Variants in RHOBTB2 observed in about 807,000 individuals in gnomAD.
RHOBTB2 encodes Rho related BTB domain containing 2.
A neutral mutation model predicts 66.5 loss-of-function variants in RHOBTB2; 39 were observed. That is an observed-to-expected ratio of 0.59 (90% CI 0.45 to 0.77). The LOEUF is 0.77. Ranked by LOEUF, RHOBTB2 falls within the 30% of genes least tolerant of loss-of-function variation. RHOBTB2 has a pLI of 0.00. For missense variants in RHOBTB2, 755 were observed against 999.1 expected (o/e 0.76, Z 3.29); for synonymous variants, 390 against 395.0 (o/e 0.99, Z 0.15).
the RHOBTB2 span, among the ~76,000 whole-genome samples, chr8:22,962,008 C>T: frequency 6.6e-6 from 1 of 151,470 alleles, no homozygotes; most frequent in South Asian, 2.1e-4. Context: ...TCCAAATTTA[C>T]GGAAAAGCCA....
At chr8:22,979,175 A>G in the RHOBTB2 span, among the ~76,000 whole-genome samples, 1 of 152,198 alleles carries the variant, frequency 6.6e-6, no homozygotes, top group African/African-American at 2.4e-5. Context: ...GACATTTTAC[A>G]AGGGAAATAA....
chr8:22,982,624 A>G (rs1810230135), upstream of RHOBTB2, among the ~76,000 whole-genome samples: 1 of 152,190 alleles, frequency 6.6e-6, no homozygotes, highest in Admixed American at 6.5e-5. Flanking sequence ...TGAGGCTGCA[A>G]TGAGCTGTGA....
chr8:22,974,864 C>T, the RHOBTB2 span, among the ~76,000 whole-genome samples: 1 of 152,134 alleles, frequency 6.6e-6, no homozygotes, highest in Non-Finnish European at 1.5e-5. Context: ...TCCTGCTACA[C>T]GAACTTTAAA....
At chr8:22,956,295 A>G in the RHOBTB2 span, among the ~76,000 whole-genome samples, 2 of 152,196 alleles carry the variant, frequency 1.3e-5, no homozygotes, top group South Asian at 4.2e-4. Flanking sequence ...TTATGTCCCC[A>G]CCCAAATCTC....
chr8:22,991,656 G>A (rs969382323), intron 1 of RHOBTB2, among the ~76,000 whole-genome samples: 32 of 152,112 alleles, frequency 2.1e-4, no homozygotes, highest in African/African-American at 6.3e-4. Flanking sequence ...TCCACTCCAC[G>A]GCTTTTACAC....
intron 7 of RHOBTB2, among the ~76,000 whole-genome samples, chr8:23,012,565 A>G (rs1260974557): frequency 6.6e-6 from 1 of 152,206 alleles, no homozygotes; most frequent in Non-Finnish European, 1.5e-5. Context: ...TGCTCAGTAG[A>G]ACACAAATAC....
At chr8:23,011,112 T>C (rs1337306456) in intron 7 of RHOBTB2, among the ~76,000 whole-genome samples, 2 of 152,052 alleles carry the variant, frequency 1.3e-5, no homozygotes, top group African/African-American at 4.8e-5. Flanking sequence ...AAATTAGCTG[T>C]GTTTGGTGGC....
upstream of RHOBTB2, among the ~76,000 whole-genome samples, chr8:22,998,574 A>G (rs1177470151): frequency 6.6e-6 from 1 of 152,076 alleles, no homozygotes; most frequent in Admixed American, 6.6e-5. Flanking sequence ...TCTCTACCAA[A>G]AATACATAAA....
the RHOBTB2 span, among the ~76,000 whole-genome samples, chr8:22,964,096 T>C: frequency 6.6e-6 from 1 of 151,972 alleles, no homozygotes; most frequent in Non-Finnish European, 1.5e-5. Context: ...TTTTTTTTGT[T>C]TTTGTTTTTT....
At chr8:23,001,697 G>T (rs185290969) in intron 1 of RHOBTB2, among the ~76,000 whole-genome samples, 1 of 152,276 alleles carries the variant, frequency 6.6e-6, no homozygotes, top group East Asian at 1.9e-4. Context: ...TTTCCCAGAG[G>T]GGGAGACTGA....
rs144019478 is a variant in RHOBTB2, at chr8:23,011,602, G to A, written c.1771+914G>A. Among the ~76,000 whole-genome samples, 143 of 152,244 alleles carry A rather than the reference G, an allele frequency of 9.4e-4. 2 individuals carry two copies. Among genetic ancestry groups the A allele is most frequent in the African/African-American group, 3.1e-3 (129 of 41,524 alleles). Reference sequence around the variant, plus strand: ...AACTGAGTCATGGGGGAGAGCCAGCGGCAGGCAGTCTGGGTCCAAGGGGCC... The same window carrying A: ...AACTGAGTCATGGGGGAGAGCCAGCAGCAGGCAGTCTGGGTCCAAGGGGCC... On this transcript the variant is annotated intron_variant, in intron 7 of 9. Coordinates refer to ENST00000251822, the MANE Select transcript of RHOBTB2 (RefSeq NM_015178.3).
rs150618811 is a variant in RHOBTB2, at chr8:23,007,347, G to A, written c.1102G>A (p.Asp368Asn). ...TGCTGGCCTCCGTGCTTCCACCAGC[G>A]ACGGGATCTTACGGGGCAACGGAAC... ...GPAGLRASTS[D>N]GILRGNGTGY... Residue 368 changes from aspartate to asparagine, a missense_variant, in exon 5 of 10, where the codon GAC becomes AAC. Physicochemically the swap from Asp to Asn is conservative, Grantham distance 23. Transcript: ENST00000251822. 6.4e-4 allele frequency: 1,036 copies of A among 1,613,756 alleles called. 2 individuals carry two copies. Among genetic ancestry groups the A allele is most frequent in the Non-Finnish European group, 8.1e-4 (953 of 1,179,808 alleles).
rs894045615 is a variant in RHOBTB2, at chr8:22,999,698, C to T, written c.-418C>T. 1.7e-6 allele frequency: 2 copies of T among 1,173,610 alleles called. No homozygotes were observed. The highest frequency in any genetic ancestry group is 2.1e-6 in the Non-Finnish European group (2 of 932,994). 72.7% of individuals were successfully genotyped at this position (1,173,610 alleles called of 1,614,324 possible). On this transcript the variant is annotated 5_prime_UTR_variant, in exon 1 of 10. Transcript: ENST00000251822. ...CGGTACCTGGGACTGCAGCGCCAGG[C>T]GTCTTCGCGGCAGCGCCTTCGCCGC...
intron 2 of RHOBTB2, among the ~76,000 whole-genome samples, chr8:22,994,209 G>C (rs1167223734): frequency 6.6e-6 from 1 of 152,230 alleles, no homozygotes. Flanking sequence ...ATATTGTCCA[G>C]TGTCAAGCAG....
chr8:22,992,922 G>T (rs988436166), intron 2 of RHOBTB2, among the ~76,000 whole-genome samples: 3 of 152,226 alleles, frequency 2.0e-5, no homozygotes, highest in African/African-American at 7.2e-5. Context: ...TGCCAGCAGG[G>T]ACTAGGCGTA....
chr8:22,965,238 G>C, the RHOBTB2 span, among the ~76,000 whole-genome samples: 2 of 152,110 alleles, frequency 1.3e-5, no homozygotes, highest in Non-Finnish European at 2.9e-5. Flanking sequence ...CCTCATAGCT[G>C]ACTTTAAAAA....
At position 23,006,073 on chromosome 8, in the gene RHOBTB2, T is replaced by C; in HGVS notation, c.410T>C (p.Leu137Ser). 3 of 1,612,830 alleles carry C rather than the reference T, an allele frequency of 1.9e-6. No homozygotes were observed. The highest frequency in any genetic ancestry group is 2.5e-6 in the Non-Finnish European group (3 of 1,179,564). The change falls in exon 4 of 10, where the codon TTG (leucine) becomes TCG (serine). Residue 137 changes from leucine (L) to serine (S), a missense_variant. Around this residue, in one of 7 missense-constraint regions of RHOBTB2, gnomAD observed 33 missense variants for 36.0 expected, o/e 0.92. Coordinates refer to ENST00000251822, the MANE Select transcript of RHOBTB2 (RefSeq NM_015178.3). This position sits in a 1 kb window ranked among gnomAD's most constrained non-coding sequence, Gnocchi z 6.1. ...TTCTGCCCCCGAGCACCTGTCATCT[T>C]GGTGGGCTGCCAGTTGGACCTGCGC... ...KHFCPRAPVI[L>S]VGCQLDLRYA...
chr8:22,971,699 C>T, the RHOBTB2 span, among the ~76,000 whole-genome samples: 2,947 of 152,284 alleles, frequency 0.019, 88 homozygotes, highest in African/African-American at 0.066. Context: ...TCACCTCCTT[C>T]GGTGTATCTG....
upstream of RHOBTB2, among the ~76,000 whole-genome samples, chr8:22,998,724 C>CAAAAA (rs555614764): frequency 3.2e-4 from 26 of 81,260 alleles, no homozygotes; most frequent in South Asian, 2.1e-3. Flanking sequence ...GAGGGAGACT[C>CAAAAA]AAAAAAAAAA....
Sources: allele counts gnomAD v4.1 joint callset (sites outside exome capture counted in the v4.1 genomes callset), GRCh38; gene constraint gnomAD v4.1.1; regional missense constraint gnomAD v4.1.1; non-coding constraint Gnocchi (gnomAD v3.1); transcripts MANE v1.5; gene names NCBI Gene and HGNC (gene_info 2026-07-23, HGNC 2026-07-21).